Variants in SERPINA1 observed in about 807,000 individuals in gnomAD.
SERPINA1 encodes serpin family A member 1, also known as alpha-1-antitrypsin.
In SERPINA1, 21 loss-of-function variants were observed where a neutral mutation model predicts 25.4. The observed-to-expected ratio is 0.83, with a 90% CI of 0.59 to 1.19. The LOEUF (loss-of-function observed/expected upper bound fraction) is 1.19, where lower values mean the gene tolerates loss of function less well. Ranked by LOEUF, SERPINA1 falls within the 50% of genes most tolerant of loss-of-function variation. The pLI is 0.00. For missense variants in SERPINA1, 546 were observed against 509.0 expected (o/e 1.07, Z -0.70); for synonymous variants, 218 against 211.1 (o/e 1.03, Z -0.29).
rs1896512465 is a variant in SERPINA1 at position 94,378,351 on chromosome 14, TA to T, written c.*97del. ...ACTCAGAGAAAACATGGGAGGGATT[TA>T]CAGTCACATGCAGGCAGGGACCAGC... On this transcript the variant is annotated 3_prime_UTR_variant, in exon 5 of 5. Transcript: ENST00000393087. 5 of 1,045,626 alleles carry T rather than the reference TA, an allele frequency of 4.8e-6. No individual in the cohort carries two copies. In the Admixed American group the frequency reaches 9.0e-5, roughly 19 times the overall value. The allele number at this position is 1,045,626 out of a possible 1,614,324, so 64.8% of individuals were successfully genotyped here.
rs7159874 is a variant in SERPINA1 at position 94,386,047 on chromosome 14, G to A, written c.-5+2513C>T. Reference sequence around the variant, plus strand: ...ACATTGGTCTCAAGCATCATGTTGGGTTCATTATGCCTCCCAAGCTGTTCC... The same window carrying A: ...ACATTGGTCTCAAGCATCATGTTGGATTCATTATGCCTCCCAAGCTGTTCC... On this transcript the variant is annotated intron_variant, in intron 1 of 4. Transcript: ENST00000393087. Among the ~76,000 whole-genome samples, 59 of 152,272 alleles carry A rather than the reference G, an allele frequency of 3.9e-4. 1 individual carries two copies. The highest frequency in any genetic ancestry group is 1.3e-3 in the African/African-American group (53 of 41,562).
chr14:94,386,718 G>A (rs1897311413), intron 1 of SERPINA1, among the ~76,000 whole-genome samples: 1 of 152,096 alleles, frequency 6.6e-6, no homozygotes, highest in South Asian at 2.1e-4. Context: ...GCAGGAAGGG[G>A]CTCCTGCTCA....
In SERPINA1 at chr14:94,382,794, C is replaced by T; in HGVS notation, c.444G>A (p.Leu148=). 1 of 1,614,258 alleles carries T rather than the reference C, an allele frequency of 6.2e-7. No homozygotes were observed. The highest frequency in any genetic ancestry group is 8.5e-7 in the Non-Finnish European group (1 of 1,180,050). The change falls in exon 2 of 5, where the codon CTG becomes CTA. Residue 148 remains leucine, a synonymous_variant. Transcript: ENST00000393087. ...TGNGLFLSEG[L]KLVDKFLEDV... ...CCTCCAAAAACTTATCCACTAGCTT[C>T]AGGCCCTCGCTGAGGAACAGGCCAT...
intron 2 of SERPINA1, among the ~76,000 whole-genome samples, chr14:94,381,478 A>C (rs1896912829): frequency 6.6e-6 from 1 of 152,154 alleles, no homozygotes; most frequent in South Asian, 2.1e-4. Flanking sequence ...AAAATGTTGG[A>C]GCATCAGGCA....
chr14:94,378,321 G>C lies in SERPINA1; in HGVS notation c.*128C>G, dbSNP rs1896510235. On this transcript the variant is annotated 3_prime_UTR_variant, in exon 5 of 5. Coordinates refer to ENST00000393087, the MANE Select transcript of SERPINA1 (RefSeq NM_000295.5). ...CCCACATACAGCCTCAGCAGGCAAAGGGAGACTCAGAGAAAACATGGGAGG... is the reference window on the plus strand; with the variant it reads ...CCCACATACAGCCTCAGCAGGCAAACGGAGACTCAGAGAAAACATGGGAGG... 2.4e-6 allele frequency: 2 copies of C among 825,706 alleles called. No individual in the cohort carries two copies. The highest frequency in any genetic ancestry group is 4.0e-6 in the Non-Finnish European group (2 of 495,108). The allele number at this position is 825,706 out of a possible 1,614,324, so 51.1% of individuals were successfully genotyped here.
chr14:94,378,711 C>T (rs1476904303), intron 4 of SERPINA1, 71 bp from the exon 5 acceptor site: 3 of 1,489,622 alleles, frequency 2.0e-6, no homozygotes, highest in Admixed American at 4.3e-5. Flanking sequence ...ACGTGGACAC[C>T]TCCCAGGAAG....
At chr14:94,384,355 C>T (rs1418750730) in intron 1 of SERPINA1, among the ~76,000 whole-genome samples, 1 of 152,204 alleles carries the variant, frequency 6.6e-6, no homozygotes, top group Admixed American at 6.5e-5. Context: ...TCTGAGAGGG[C>T]AACTCTTTTG....
chr14:94,383,260 G>A lies in SERPINA1; in HGVS notation c.-4-19C>T, dbSNP rs1460210592. 1.1e-5 allele frequency: 18 copies of A among 1,605,034 alleles called. No individual in the cohort carries two copies. Among genetic ancestry groups the A allele is most frequent in the Admixed American group, 3.3e-5 (2 of 59,850 alleles). On this transcript the variant is annotated intron_variant, in intron 1 of 4. Coordinates refer to ENST00000393087, the MANE Select transcript of SERPINA1 (RefSeq NM_000295.5). ...CATTGTCCTGCAAGACAGAGATGGGGGGGCCAGGCCCCGAGTCAAGGCACA... is the reference window on the plus strand; with the variant it reads ...CATTGTCCTGCAAGACAGAGATGGGAGGGCCAGGCCCCGAGTCAAGGCACA...
Position 94,379,464 on chromosome 14 carries a change from C to T in SERPINA1, c.1065G>A (p.Lys355=). The T allele has an allele frequency of 1.9e-6, 3 of 1,614,196 alleles. No individual in the cohort carries two copies. Among genetic ancestry groups the T allele is most frequent in the Non-Finnish European group, 2.5e-6 (3 of 1,180,054 alleles). ...VTEEAPLKLS[K]AVHKAVLTID... is the part of the protein sequence containing the mutation. ...AACAAGGTCGTCAGGGTGATCTCAC[C>T]TTGGAGAGCTTCAGGGGTGCCTCCT... Residue 355 remains lysine, a splice_region_variant and synonymous_variant, in exon 4 of 5, where the codon AAG becomes AAA. Coordinates refer to ENST00000393087, the MANE Select transcript of SERPINA1 (RefSeq NM_000295.5).
Position 94,382,809 on chromosome 14 carries a change from G to A in SERPINA1, c.429C>T (p.Phe143=), listed in dbSNP as rs752979989. Residue 143 remains phenylalanine, a synonymous_variant, in exon 2 of 5, where the codon TTC becomes TTT. Coordinates refer to ENST00000393087, the MANE Select transcript of SERPINA1 (RefSeq NM_000295.5). ...CCACTAGCTTCAGGCCCTCGCTGAG[G>A]AACAGGCCATTGCCGGTGGTCAGCT... ...QLQLTTGNGL[F]LSEGLKLVDK... 1 of 1,614,122 alleles carries A rather than the reference G, an allele frequency of 6.2e-7. No homozygotes were observed. Among genetic ancestry groups the A allele is most frequent in the Non-Finnish European group, 8.5e-7 (1 of 1,180,052 alleles).
chr14:94,385,275 G>A (rs1897216677), intron 1 of SERPINA1, among the ~76,000 whole-genome samples: 1 of 152,260 alleles, frequency 6.6e-6, no homozygotes, highest in Non-Finnish European at 1.5e-5. Flanking sequence ...CTCCCCAGTT[G>A]TGCAAAGTGG....
At chr14:94,388,723 A>G (rs1452341149), upstream of SERPINA1, 1 of 152,364 alleles carries the variant, frequency 6.6e-6, no homozygotes, top group Non-Finnish European at 1.5e-5. Flanking sequence ...GGCTAAGTCC[A>G]CTGGCTGGGA....
intron 1 of SERPINA1, chr14:94,383,570 G>A: frequency 2.5e-6 from 1 of 400,300 alleles, no homozygotes. Context: ...ATGTCACTGA[G>A]GAAGTAGCAG....
chr14:94,385,908 A>G (rs1897259626), intron 1 of SERPINA1, among the ~76,000 whole-genome samples: 1 of 152,208 alleles, frequency 6.6e-6, no homozygotes, highest in Non-Finnish European at 1.5e-5. Flanking sequence ...TTGAGGCTAT[A>G]CAGCAAGTCA....
At chr14:94,383,634 C>A in intron 1 of SERPINA1, 1 of 247,882 alleles carries the variant, frequency 4.0e-6, no homozygotes, top group Non-Finnish European at 7.9e-6. Flanking sequence ...GCAACACTTA[C>A]ATCTGCAATG....
Position 94,380,868 on chromosome 14 carries a change from C to T in SERPINA1, c.917+3G>A. ...CTTGGTCACCCTCAGGTTGGGGAAT[C>T]ACCTTCTGTCTTCATTTTCCAGGAA... On this transcript the variant is annotated splice_donor_region_variant and intron_variant, in intron 3 of 4. Transcript: ENST00000393087. The T allele has an allele frequency of 1.2e-6, 2 of 1,614,206 alleles. No homozygotes were observed. Among genetic ancestry groups the T allele is most frequent in the Non-Finnish European group, 1.7e-6 (2 of 1,180,046 alleles).
At chr14:94,387,236 G>A (rs74986671) in intron 1 of SERPINA1, among the ~76,000 whole-genome samples, 2 of 152,310 alleles carry the variant, frequency 1.3e-5, no homozygotes, top group East Asian at 3.9e-4. Flanking sequence ...TGTGACCTTG[G>A]ACAAGTTACT....
chr14:94,383,392 G>A (rs754042944), intron 1 of SERPINA1, 151 bp from the exon 2 acceptor site: 6 of 755,126 alleles, frequency 7.9e-6, no homozygotes, highest in Non-Finnish European at 1.3e-5. Flanking sequence ...GAAAGAATCA[G>A]AAGAATAGCA....
intron 4 of SERPINA1, 32 bp from the exon 5 acceptor site, chr14:94,378,672 AG>A: frequency 6.2e-7 from 1 of 1,602,836 alleles, no homozygotes; most frequent in Non-Finnish European, 8.5e-7. Flanking sequence ...ACACGTTGTA[AG>A]GCTGATCCCA....
Sources: allele counts gnomAD v4.1 joint callset (sites outside exome capture counted in the v4.1 genomes callset), GRCh38; gene constraint gnomAD v4.1.1; transcripts MANE v1.5; gene names NCBI Gene and HGNC (gene_info 2026-07-23, HGNC 2026-07-21).